Variants in PCDH11X observed in about 807,000 individuals in gnomAD.
The protein encoded by PCDH11X is protocadherin-11 X-linked.
Under a neutral mutation model 53.3 loss-of-function variants are expected in PCDH11X, and 18 were observed. The ratio of observed to expected loss-of-function variants is 0.34; its 90% CI spans 0.23 to 0.50. The LOEUF (loss-of-function observed/expected upper bound fraction) is 0.50. PCDH11X is among the 20% of genes least tolerant of loss of function. The pLI, the probability that PCDH11X is intolerant of heterozygous loss-of-function variation, is 0.98. For synonymous variants in PCDH11X, 279 were observed against 393.3 expected (o/e 0.71, Z 3.44); for missense variants, 570 against 1,032.4 (o/e 0.55, Z 6.14).
chrX:91,817,610 C>A (rs1292822768), intron 4 of PCDH11X, among the ~76,000 whole-genome samples: 1 of 111,111 alleles, frequency 9.0e-6, no homozygotes, highest in Admixed American at 9.6e-5. Flanking sequence ...CCTTATTGGA[C>A]AATTGAGCAC....
chrX:92,049,533 A>C (rs776449106), intron 6 of PCDH11X, among the ~76,000 whole-genome samples: 2 of 110,690 alleles, frequency 1.8e-5, no homozygotes, highest in East Asian at 2.9e-4. Flanking sequence ...TTCTTGAAAA[A>C]TTAATTGGAA....
chrX:92,273,662 G>A (rs2068010875), intron 8 of PCDH11X, among the ~76,000 whole-genome samples: 1 of 110,942 alleles, frequency 9.0e-6, no homozygotes, highest in African/African-American at 3.3e-5. Context: ...CCTAGAGTGG[G>A]AGAGATTAAG....
At chrX:91,825,409 C>T (rs139209210) in intron 4 of PCDH11X, among the ~76,000 whole-genome samples, 2,605 of 111,918 alleles carry the variant, frequency 0.023, 38 homozygotes, top group Non-Finnish European at 0.039. Flanking sequence ...CGGAAAAGCA[C>T]AGTATTCGGG....
intron 6 of PCDH11X, among the ~76,000 whole-genome samples, chrX:92,175,434 C>T (rs1410495218): frequency 1.8e-5 from 2 of 110,642 alleles, no homozygotes; most frequent in Admixed American, 9.7e-5. Context: ...CCATGAAGTG[C>T]AAAACATAAT....
intron 6 of PCDH11X, among the ~76,000 whole-genome samples, chrX:91,945,132 T>A (rs1222374699): frequency 2.9e-5 from 3 of 102,504 alleles, no homozygotes; most frequent in African/African-American, 1.0e-4. Flanking sequence ...TACTTAAAAA[T>A]ACATTGTTCC....
intron 10 of PCDH11X, among the ~76,000 whole-genome samples, chrX:92,477,681 A>G (rs1381267888): frequency 1.0e-5 from 1 of 98,769 alleles, no homozygotes; most frequent in Non-Finnish European, 2.0e-5. Flanking sequence ...CCCCCTACAC[A>G]CACAGCAGGA....
intron 10 of PCDH11X, among the ~76,000 whole-genome samples, chrX:92,568,038 G>T (rs1333136318): frequency 9.3e-6 from 1 of 107,879 alleles, no homozygotes; most frequent in Non-Finnish European, 1.9e-5. Flanking sequence ...CATACAAAAA[G>T]CCCTGGCTGA....
intron 6 of PCDH11X, among the ~76,000 whole-genome samples, chrX:92,130,257 A>T (rs1456079904): frequency 1.8e-5 from 2 of 111,209 alleles, no homozygotes; most frequent in East Asian, 5.6e-4. Context: ...CATTTCTTAC[A>T]AAAATTCCTT....
intron 6 of PCDH11X, among the ~76,000 whole-genome samples, chrX:91,913,847 G>T (rs1273045640): frequency 9.1e-6 from 1 of 110,177 alleles, no homozygotes; most frequent in Non-Finnish European, 1.9e-5. Flanking sequence ...CCAGGAAGGA[G>T]AAGACAACAC....
At chrX:92,372,953 G>A (rs2070660537) in intron 8 of PCDH11X, among the ~76,000 whole-genome samples, 1 of 110,603 alleles carries the variant, frequency 9.0e-6, no homozygotes, top group African/African-American at 3.3e-5. Flanking sequence ...GACTCAAGTT[G>A]GTATGTCAAT....
chrX:92,260,954 T>TA (rs1046426932), intron 7 of PCDH11X, among the ~76,000 whole-genome samples: 2 of 111,782 alleles, frequency 1.8e-5, no homozygotes, highest in Non-Finnish European at 3.8e-5. Flanking sequence ...TTTGGGCAAA[T>TA]ATTTTGTTAA....
intron 9 of PCDH11X, among the ~76,000 whole-genome samples, chrX:92,396,455 G>A (rs199935021): frequency 0.13 from 12,448 of 93,657 alleles, 1,654 homozygotes; most frequent in East Asian, 0.7. Flanking sequence ...AATGTTTTGG[G>A]TAAACCCTAT....
intron 8 of PCDH11X, among the ~76,000 whole-genome samples, chrX:92,345,340 G>C (rs930291291): frequency 9.1e-6 from 1 of 109,913 alleles, no homozygotes; most frequent in Non-Finnish European, 1.9e-5. Flanking sequence ...CTCCCACTGG[G>C]TTAGATACAG....
At chrX:92,164,914 G>A (rs957570909) in intron 6 of PCDH11X, among the ~76,000 whole-genome samples, 30 of 103,511 alleles carry the variant, frequency 2.9e-4, no homozygotes, top group East Asian at 6.1e-4. Flanking sequence ...TTTGCCTGCC[G>A]CCATCCATGT....
chrX:92,226,883 A>C (rs767056959), intron 7 of PCDH11X, among the ~76,000 whole-genome samples: 1 of 111,624 alleles, frequency 9.0e-6, no homozygotes, highest in East Asian at 2.8e-4. Flanking sequence ...AAAGTTTTAG[A>C]GATAAAGAGG....
At chrX:92,463,810 T>G (rs1396127921) in intron 9 of PCDH11X, among the ~76,000 whole-genome samples, 1 of 110,667 alleles carries the variant, frequency 9.0e-6, no homozygotes, top group Non-Finnish European at 1.9e-5. Flanking sequence ...AGCCAATAGC[T>G]TGTGGACTAG....
rs1018618064 is a variant in PCDH11X, at chrX:92,621,619, G to C, written c.*2679G>C. The C allele has an allele frequency of 1.8e-5, 2 of 110,569 alleles. No individual in the cohort carries two copies. Among genetic ancestry groups the C allele is most frequent in the African/African-American group, 6.6e-5 (2 of 30,349 alleles). The allele number at this position is 110,569 out of a possible 1,213,427, so 9.1% of individuals were successfully genotyped here. A position where few individuals can be genotyped will look rare whatever the true frequency, so the allele number is the denominator to read the frequency against. ...CCACTAGGTCTGGCCTTGGAAACCT[G>C]TTACTTCTAGGGCTTCAGATCTGAT... On this transcript the variant is annotated 3_prime_UTR_variant, in exon 11 of 11. Transcript: ENST00000682573.
chrX:92,542,376 TC>T (rs1808931295), intron 10 of PCDH11X, among the ~76,000 whole-genome samples: 1 of 111,947 alleles, frequency 8.9e-6, no homozygotes, highest in Non-Finnish European at 1.9e-5. Flanking sequence ...CTAATCTTCA[TC>T]CCAATGATTT....
At chrX:92,269,870 A>G (rs2067914075) in intron 8 of PCDH11X, among the ~76,000 whole-genome samples, 1 of 111,230 alleles carries the variant, frequency 9.0e-6, no homozygotes, top group African/African-American at 3.3e-5. Flanking sequence ...TCCTGATTAA[A>G]GTATAACCCT....
Sources: allele counts gnomAD v4.1 joint callset (sites outside exome capture counted in the v4.1 genomes callset), GRCh38; gene constraint gnomAD v4.1.1; transcripts MANE v1.5; gene names NCBI Gene and HGNC (gene_info 2026-07-23, HGNC 2026-07-21).